DLGAP2: variants seen among roughly 807,000 people sequenced by gnomAD.
The protein encoded by DLGAP2 is disks large-associated protein 2.
Under a neutral mutation model 100.3 loss-of-function variants are expected in DLGAP2, and 26 were observed. That is an observed-to-expected ratio of 0.26 (90% CI 0.19 to 0.36). The LOEUF (loss-of-function observed/expected upper bound fraction) is 0.36. DLGAP2 is among the 10% of genes least tolerant of loss of function. The probability of loss-of-function intolerance (pLI) is 1.00; values close to 1 mark genes in which losing one functional copy is unlikely to be tolerated. For missense variants in DLGAP2, 1,858 were observed against 1,453.2 expected, an observed-to-expected ratio of 1.28 and a Z score of -4.53; for synonymous variants, 886 against 630.1, an observed-to-expected ratio of 1.41 and a Z score of -6.08.
chr8:1,535,206 A>G (rs1344107412), intron 4 of DLGAP2, among the ~76,000 whole-genome samples: 2 of 152,338 alleles, frequency 1.3e-5, no homozygotes, highest in East Asian at 3.9e-4. Context: ...GAAGACACTC[A>G]GAGGGCTGGG....
intron 2 of DLGAP2, among the ~76,000 whole-genome samples, chr8:1,016,581 A>G (rs866344078): frequency 0.044 from 11 of 248 alleles, no homozygotes; most frequent in East Asian, 0.052. Context: ...AGGACAGACG[A>G]CGCCTCCACT....
chr8:1,208,323 C>T (rs114367056), intron 2 of DLGAP2, among the ~76,000 whole-genome samples: 169 of 152,236 alleles, frequency 1.1e-3, no homozygotes, highest in African/African-American at 3.7e-3. Flanking sequence ...ATAGGGTGTC[C>T]TTTCCCCGCT....
chr8:1,090,002 G>C (rs1804119128), intron 2 of DLGAP2, among the ~76,000 whole-genome samples: 1 of 152,176 alleles, frequency 6.6e-6, no homozygotes, highest in African/African-American at 2.4e-5. Context: ...CCTGTTTCCT[G>C]TTTGCACTCT....
intron 2 of DLGAP2, among the ~76,000 whole-genome samples, chr8:1,201,575 G>T (rs535012881): frequency 6.6e-6 from 1 of 152,220 alleles, no homozygotes; most frequent in Non-Finnish European, 1.5e-5. Flanking sequence ...TAGACACCCA[G>T]TGTGTGGTCA....
chr8:1,140,178 G>A (rs748197917), intron 2 of DLGAP2, among the ~76,000 whole-genome samples: 7 of 152,164 alleles, frequency 4.6e-5, no homozygotes, highest in Non-Finnish European at 7.4e-5. Flanking sequence ...GTCGTAGCGG[G>A]GAGGTGCGAC....
chr8:743,283 A>G (rs1399987332), intron 1 of DLGAP2, among the ~76,000 whole-genome samples: 4 of 152,142 alleles, frequency 2.6e-5, no homozygotes, highest in Admixed American at 2.6e-4. Context: ...AGTCAACAAA[A>G]CCCAAAACTA....
intron 2 of DLGAP2, among the ~76,000 whole-genome samples, chr8:986,857 G>C (rs1800502397): frequency 6.6e-6 from 1 of 151,920 alleles, no homozygotes; most frequent in South Asian, 2.1e-4. Context: ...ATGGGGTTTT[G>C]CCATGTTGGC....
At chr8:835,935 A>C (rs1796865727) in intron 1 of DLGAP2, among the ~76,000 whole-genome samples, 1 of 152,090 alleles carries the variant, frequency 6.6e-6, no homozygotes, top group Non-Finnish European at 1.5e-5. Flanking sequence ...CCCTTCATGT[A>C]TCAAACGCAG....
chr8:1,017,740 G>A (rs1440151457), intron 2 of DLGAP2, among the ~76,000 whole-genome samples: 1 of 152,208 alleles, frequency 6.6e-6, no homozygotes, highest in African/African-American at 2.4e-5. Context: ...GACTGACTGA[G>A]CCTGCAAGGG....
chr8:1,680,314 G>T (rs560126900), intron 12 of DLGAP2, among the ~76,000 whole-genome samples: 1 of 152,176 alleles, frequency 6.6e-6, no homozygotes, highest in Non-Finnish European at 1.5e-5. Flanking sequence ...TTTTAATAGG[G>T]CATTCACTAA....
intron 12 of DLGAP2, among the ~76,000 whole-genome samples, chr8:1,683,952 G>GTATATATATATATATATATA (rs1171271402): frequency 9.8e-5 from 2 of 20,346 alleles, no homozygotes; most frequent in African/African-American, 4.1e-4. Context: ...ATATATATGT[G>GTATATATATATATATATATA]TGTATATATA....
At chr8:760,890 C>G (rs1563416721) in intron 1 of DLGAP2, among the ~76,000 whole-genome samples, 1 of 152,146 alleles carries the variant, frequency 6.6e-6, no homozygotes, top group Non-Finnish European at 1.5e-5. Flanking sequence ...CACCATGCTG[C>G]GGGAGACCCT....
At chr8:802,983 G>A (rs961555453) in intron 1 of DLGAP2, among the ~76,000 whole-genome samples, 5 of 152,208 alleles carry the variant, frequency 3.3e-5, no homozygotes, top group African/African-American at 9.7e-5. Context: ...TCCCGAAAAG[G>A]TAGGCATTTC....
chr8:849,033 G>A (rs1033436771), intron 1 of DLGAP2, among the ~76,000 whole-genome samples: 3 of 152,006 alleles, frequency 2.0e-5, no homozygotes. Context: ...GGAATGTGCG[G>A]TGCCTGTTCC....
intron 2 of DLGAP2, among the ~76,000 whole-genome samples, chr8:986,570 G>A (rs1350006122): frequency 6.6e-6 from 1 of 151,946 alleles, no homozygotes; most frequent in East Asian, 1.9e-4. Context: ...AAGGGGCTGT[G>A]TTCTGAGGCA....
At chr8:781,130 G>A (rs777882331) in intron 1 of DLGAP2, among the ~76,000 whole-genome samples, 5 of 151,934 alleles carry the variant, frequency 3.3e-5, no homozygotes, top group Non-Finnish European at 5.9e-5. Flanking sequence ...AGAGTAAGTC[G>A]TGCATCTGTT....
chr8:946,241 C>T (rs539477562), intron 2 of DLGAP2, among the ~76,000 whole-genome samples: 25 of 151,074 alleles, frequency 1.7e-4, no homozygotes, highest in South Asian at 1.3e-3. Context: ...TAACTTGGTG[C>T]TTCTGTGAGA....
chr8:996,087 T>A (rs1800775874), intron 2 of DLGAP2, among the ~76,000 whole-genome samples: 1 of 152,168 alleles, frequency 6.6e-6, no homozygotes, highest in Non-Finnish European at 1.5e-5. Flanking sequence ...CCGTTTAAAG[T>A]AGTTCCTCAG....
intron 2 of DLGAP2, among the ~76,000 whole-genome samples, chr8:1,030,489 C>G (rs1313467229): frequency 1.3e-5 from 2 of 152,166 alleles, no homozygotes; most frequent in Non-Finnish European, 2.9e-5. Flanking sequence ...TGCTCACGGA[C>G]TCGGCTGTAA....
Sources: gnomAD v4.1 joint callset for allele counts (sites outside exome capture counted in the v4.1 genomes callset) on GRCh38, gnomAD v4.1.1 for gene constraint, MANE v1.5 for transcripts, NCBI Gene and HGNC (gene_info 2026-07-23, HGNC 2026-07-21) for gene names.